Variants in ZBTB47 observed in about 807,000 individuals in gnomAD.
The protein encoded by ZBTB47 is zinc finger and BTB domain-containing protein 47.
ZBTB47 carries 24 observed loss-of-function variants against 56.6 expected under a neutral mutation model. The ratio of observed to expected loss-of-function variants is 0.42; its 90% CI spans 0.31 to 0.60. ZBTB47 has a LOEUF of 0.60. Among genes scored for constraint, ZBTB47 ranks in the 20% least tolerant of loss-of-function variants. The probability of loss-of-function intolerance (pLI) is 0.14; values close to 1 mark genes in which losing one functional copy is unlikely to be tolerated. For synonymous variants in ZBTB47, 414 were observed against 418.9 expected (o/e 0.99, Z 0.14); for missense variants, 829 against 1,032.6 (o/e 0.80, Z 2.70).
Position 42,654,565 on chromosome 3 carries a change from G to C in ZBTB47, c.-82+682G>C, listed in dbSNP as rs981959619. 50 of 494,642 alleles carry C rather than the reference G, an allele frequency of 1.0e-4. 1 individual carries two copies. The highest frequency in any genetic ancestry group is 1.0e-4 in the Non-Finnish European group (39 of 383,198). 30.6% of individuals were successfully genotyped at this position (494,642 alleles called of 1,614,324 possible). A position where few individuals can be genotyped will look rare whatever the true frequency, so the allele number is the denominator to read the frequency against. ...CTCCGCCTGCCTGGCCGCGCCCCCG[G>C]GGGCCATGGTCGCGGGGCCCTGCGC... On this transcript the variant is annotated intron_variant, in intron 1 of 5. Transcript: ENST00000232974. This position sits in a 1 kb window ranked among gnomAD's most constrained non-coding sequence, Gnocchi z 5.0.
Position 42,658,957 on chromosome 3 carries a change from G to C in ZBTB47, c.602G>C (p.Gly201Ala). 6.6e-7 allele frequency: 1 copy of C among 1,505,672 alleles called. No homozygotes were observed. Among genetic ancestry groups the C allele is most frequent in the Non-Finnish European group, 8.8e-7 (1 of 1,132,316 alleles). 93.3% of individuals were successfully genotyped at this position (1,505,672 alleles called of 1,614,324 possible). A position where few individuals can be genotyped will look rare whatever the true frequency, so the allele number is the denominator to read the frequency against. ...EEKEGGVEEA[G>A]GPPASLCKLE... ...AAGGAGGGTGGTGTCGAGGAGGCCGGTGGGCCCCCAGCCAGCTTGTGCAAG... is the reference window on the plus strand; with the variant it reads ...AAGGAGGGTGGTGTCGAGGAGGCCGCTGGGCCCCCAGCCAGCTTGTGCAAG... Residue 201 changes from glycine (G) to alanine (A), a missense_variant, in exon 2 of 6, where the codon GGT (glycine) becomes GCT (alanine). Coordinates refer to ENST00000232974, the MANE Select transcript of ZBTB47 (RefSeq NM_145166.4).
rs1056137489 is a variant in ZBTB47, at chr3:42,654,426, A to G, written c.-82+543A>G. 6.6e-6 allele frequency: 1 copy of G among 150,760 alleles called. No homozygotes were observed. Among genetic ancestry groups the G allele is most frequent in the Non-Finnish European group, 1.5e-5 (1 of 67,476 alleles). 9.3% of individuals were successfully genotyped at this position (150,760 alleles called of 1,614,324 possible). On this transcript the variant is annotated intron_variant, in intron 1 of 5. Coordinates refer to ENST00000232974, the MANE Select transcript of ZBTB47 (RefSeq NM_145166.4). The surrounding 1 kb of genome is among the most constrained non-coding windows in gnomAD (Gnocchi z 5.0). ...GCGGCCTGGCCCTTTAAGCGTCCAGACGGCGGCCCCAGCTGACGCGCGGGC... is the reference window on the plus strand; with the variant it reads ...GCGGCCTGGCCCTTTAAGCGTCCAGGCGGCGGCCCCAGCTGACGCGCGGGC...
Position 42,659,430 on chromosome 3 carries a change from C to G in ZBTB47, c.1075C>G (p.Gln359Glu), listed in dbSNP as rs1237355048. ...EGEEGEAGGK[Q>E]GPRGSRSSRA... ...GGAGGAGGGGGAGGCTGGGGGCAAG[C>G]AGGGGCCACGGGGAAGCCGAAGCAG... Residue 359 changes from glutamine (Q) to glutamate (E), a missense_variant, in exon 2 of 6, where the codon CAG (glutamine) becomes GAG (glutamate). Transcript: ENST00000232974. 4.3e-5 allele frequency: 62 copies of G among 1,445,476 alleles called. No homozygotes were observed. Among genetic ancestry groups the G allele is most frequent in the Non-Finnish European group, 5.6e-5 (62 of 1,106,544 alleles). The allele number at this position is 1,445,476 out of a possible 1,614,324, so 89.5% of individuals were successfully genotyped here.
intron 1 of ZBTB47, 88 bp from the exon 2 acceptor site, chr3:42,658,187 T>G (rs1353866518): frequency 3.5e-5 from 48 of 1,359,240 alleles, no homozygotes; most frequent in Middle Eastern, 2.6e-4. Flanking sequence ...GCCTCCTGGA[T>G]GGCTGGCAAT....
rs1245057225 is a variant in ZBTB47 at position 42,664,476 on chromosome 3, C to A, written c.2122C>A (p.His708Asn). ...CCTGCCCCCAACCCAGCCCCAGGCG[C>A]ACGCACTGCCCCTGCTCCCGGGGCT... ...PGLPPTQPQAHALPLLPGLPQ... is the reference protein window; with the variant it reads ...PGLPPTQPQANALPLLPGLPQ... Residue 708 changes from histidine (H) to asparagine (N), a missense_variant, in exon 6 of 6, where the codon CAC becomes AAC. Physicochemically the swap from His to Asn is moderately conservative, Grantham distance 68. This residue lies in a region of ZBTB47 where 115 missense variants were observed against 117.2 expected (regional missense o/e 0.98). Transcript: ENST00000232974. The A allele has an allele frequency of 1.3e-6, 2 of 1,511,852 alleles. No homozygotes were observed. The highest frequency in any genetic ancestry group is 4.9e-5 in the East Asian group (2 of 40,438). The allele number at this position is 1,511,852 out of a possible 1,614,324, so 93.7% of individuals were successfully genotyped here. A position where few individuals can be genotyped will look rare whatever the true frequency, so the allele number is the denominator to read the frequency against.
At chr3:42,660,082 A>G (rs1190882490) in intron 2 of ZBTB47, among the ~76,000 whole-genome samples, 1 of 152,224 alleles carries the variant, frequency 6.6e-6, no homozygotes, top group Non-Finnish European at 1.5e-5. Context: ...ATTGGAACAA[A>G]CAGTACCCTT....
At position 42,666,090 on chromosome 3, in the gene ZBTB47, T is replaced by C. The variant is rs1227670270; in HGVS notation, c.*1492T>C. Among the ~76,000 whole-genome samples, 2 of 152,236 alleles carry C rather than the reference T, an allele frequency of 1.3e-5. No individual in the cohort carries two copies. Among genetic ancestry groups the C allele is most frequent in the East Asian group, 3.9e-4 (2 of 5,194 alleles). On this transcript the variant is annotated 3_prime_UTR_variant, in exon 6 of 6. Transcript: ENST00000232974. ...AACCCCTCTGACCTTATGAGGCCCA[T>C]GGCACTGGGGCAGGGAGCTGGGGAC...
rs339722 is a variant in ZBTB47, at chr3:42,659,204, C to T, written c.849C>T (p.Asp283=). ...QRHSDEEEED[D]EEEEEEEEEE... Reference sequence around the variant, plus strand: ...ACTCGGACGAGGAGGAGGAGGACGACGAGGAGGAGGAGGAGGAAGAAGAGG... The same window carrying T: ...ACTCGGACGAGGAGGAGGAGGACGATGAGGAGGAGGAGGAGGAAGAAGAGG... The change falls in exon 2 of 6, where the codon GAC becomes GAT. Residue 283 remains aspartate (D), a synonymous_variant. Transcript: ENST00000232974. The T allele has an allele frequency of 1.5e-5, 22 of 1,508,168 alleles. No homozygotes were observed. Among genetic ancestry groups the T allele is most frequent in the Admixed American group, 8.0e-5 (4 of 49,834 alleles). The allele number at this position is 1,508,168 out of a possible 1,614,324, so 93.4% of individuals were successfully genotyped here.
Position 42,664,480 on chromosome 3 carries a change from C to T in ZBTB47, c.2126C>T (p.Ala709Val). Residue 709 changes from alanine (A) to valine (V), a missense_variant, in exon 6 of 6, where the codon GCA becomes GTA. This residue lies in a region of ZBTB47 where 115 missense variants were observed against 117.2 expected (regional missense o/e 0.98). Coordinates refer to ENST00000232974, the MANE Select transcript of ZBTB47 (RefSeq NM_145166.4). Reference protein sequence around the residue: ...GLPPTQPQAHALPLLPGLPQT... With the variant: ...GLPPTQPQAHVLPLLPGLPQT... ...CCCCCAACCCAGCCCCAGGCGCACGCACTGCCCCTGCTCCCGGGGCTGCCC... is the reference window on the plus strand; with the variant it reads ...CCCCCAACCCAGCCCCAGGCGCACGTACTGCCCCTGCTCCCGGGGCTGCCC... 3.3e-6 allele frequency: 5 copies of T among 1,509,318 alleles called. No individual in the cohort carries two copies. Among genetic ancestry groups the T allele is most frequent in the Non-Finnish European group, 4.4e-6 (5 of 1,132,902 alleles). The allele number at this position is 1,509,318 out of a possible 1,614,324, so 93.5% of individuals were successfully genotyped here. A position where few individuals can be genotyped will look rare whatever the true frequency, so the allele number is the denominator to read the frequency against.
At position 42,663,242 on chromosome 3, in the gene ZBTB47, A is replaced by G; in HGVS notation, c.1737+115A>G. 2.6e-6 allele frequency: 2 copies of G among 771,238 alleles called. No homozygotes were observed. The highest frequency in any genetic ancestry group is 2.7e-5 in the East Asian group (1 of 37,638). 47.8% of individuals were successfully genotyped at this position (771,238 alleles called of 1,614,324 possible). ...AGGGGGTGGAATGTAGTGTCCAGAA[A>G]GAGAGAGCCCTGCCCTCTGAGGTCT... On this transcript the variant is annotated intron_variant, in intron 4 of 5. Coordinates refer to ENST00000232974, the MANE Select transcript of ZBTB47 (RefSeq NM_145166.4). The surrounding 1 kb of genome is among the most constrained non-coding windows in gnomAD (Gnocchi z 5.1).
At position 42,664,224 on chromosome 3, in the gene ZBTB47, C is replaced by G; in HGVS notation, c.1883-13C>G. The stretch of plus-strand genomic sequence containing the variant: ...CCCTCACTGACGCCCTGCTGCCCAC[C>G]CCCAACCCCCAGGAGAGAAGCCGTA... On this transcript the variant is annotated splice_polypyrimidine_tract_variant and intron_variant, in intron 5 of 5. Coordinates refer to ENST00000232974, the MANE Select transcript of ZBTB47 (RefSeq NM_145166.4). 1.2e-6 allele frequency: 2 copies of G among 1,612,890 alleles called. No homozygotes were observed. Among genetic ancestry groups the G allele is most frequent in the Non-Finnish European group, 1.7e-6 (2 of 1,179,408 alleles).
Position 42,656,913 on chromosome 3 carries a change from C to A in ZBTB47, c.-81-1362C>A, listed in dbSNP as rs1304216738. Among the ~76,000 whole-genome samples the A allele has an allele frequency of 6.6e-6, 1 of 152,164 alleles. No homozygotes were observed. Among genetic ancestry groups the A allele is most frequent in the East Asian group, 1.9e-4 (1 of 5,188 alleles). ...CCCAGGGTCCCCAGGGAGGCACTGA[C>A]AGCTATGGAGCTGATGGTTTTGTGG... On this transcript the variant is annotated intron_variant, in intron 1 of 5. Coordinates refer to ENST00000232974, the MANE Select transcript of ZBTB47 (RefSeq NM_145166.4). The surrounding 1 kb of genome is among the most constrained non-coding windows in gnomAD (Gnocchi z 5.8).
rs527938659 is a variant in ZBTB47 at position 42,666,339 on chromosome 3, C to T, written c.*1741C>T. On this transcript the variant is annotated 3_prime_UTR_variant, in exon 6 of 6. Transcript: ENST00000232974. The stretch of plus-strand genomic sequence containing the variant: ...GGGGGAGAGAAGGTTCGCCCCTCCC[C>T]GAGGAAGAAGGCTTCTGGTCAGGAC... 3.3e-5 allele frequency among the ~76,000 whole-genome samples: 5 copies of T among 152,250 alleles called. No individual in the cohort carries two copies. The South Asian group carries it at 6.2e-4, about 19-fold the overall frequency.
rs369661100 is a variant in ZBTB47 at position 42,659,682 on chromosome 3, C to T, written c.1327C>T (p.Arg443Ter). Reference sequence around the variant, plus strand: ...GCACCATCCATGCCAGAAGTGCCCACGAGTTTTCAACAACCGCTGGTACCT... The same window carrying T: ...GCACCATCCATGCCAGAAGTGCCCATGAGTTTTCAACAACCGCTGGTACCT... Reference protein sequence around the residue: ...KQHHPCQKCPRVFNNRWYLEK... With the variant: ...KQHHPCQKCP The change falls in exon 2 of 6, where the codon CGA becomes TGA. Residue 443 changes from arginine to a stop codon, truncating the protein, a stop_gained. Coordinates refer to ENST00000232974, the MANE Select transcript of ZBTB47 (RefSeq NM_145166.4). LOFTEE classifies it high-confidence loss of function. 1.9e-6 allele frequency: 3 copies of T among 1,612,870 alleles called. No individual in the cohort carries two copies. The highest frequency in any genetic ancestry group is 2.7e-5 in the African/African-American group (2 of 74,924).
chr3:42,657,733 TC>T (rs1356016526), intron 1 of ZBTB47, among the ~76,000 whole-genome samples: 1 of 152,118 alleles, frequency 6.6e-6, no homozygotes, highest in Non-Finnish European at 1.5e-5. Context: ...CGGCTTCTGT[TC>T]TTGAGGTGTT....
At position 42,659,237 on chromosome 3, in the gene ZBTB47, AGGT is replaced by A. The variant is rs1327138911; in HGVS notation, c.888_890del (p.Gly297del). ...AGGAGGAGGAAGAAGAGGAAGAGGA[AGGT>A]GGTGGCAGTGGACGGGAGGAGGAGG... is the stretch of plus-strand genomic sequence containing the variant. On this transcript the variant is annotated inframe_deletion, in exon 2 of 6. Coordinates refer to ENST00000232974, the MANE Select transcript of ZBTB47 (RefSeq NM_145166.4). 23 of 1,529,912 alleles carry A rather than the reference AGGT, an allele frequency of 1.5e-5. No individual in the cohort carries two copies. The highest frequency in any genetic ancestry group is 3.7e-4 in the Middle Eastern group (2 of 5,444). The allele number at this position is 1,529,912 out of a possible 1,614,324, so 94.8% of individuals were successfully genotyped here. A position where few individuals can be genotyped will look rare whatever the true frequency, so the allele number is the denominator to read the frequency against.
At chr3:42,662,974 G>T in intron 3 of ZBTB47, 38 bp from the exon 4 acceptor site, 2 of 1,512,860 alleles carry the variant, frequency 1.3e-6, no homozygotes, top group South Asian at 2.2e-5. Flanking sequence ...GCTTGGGCAG[G>T]CCCGTAAAAC....
In ZBTB47 at chr3:42,665,773, G is replaced by C. The variant is rs988227589; in HGVS notation, c.*1175G>C. The C allele has an allele frequency of 1.3e-5, 2 of 152,754 alleles. No individual in the cohort carries two copies. Among genetic ancestry groups the C allele is most frequent in the Admixed American group, 6.5e-5 (1 of 15,292 alleles). The allele number at this position is 152,754 out of a possible 1,614,324, so 9.5% of individuals were successfully genotyped here. A position where few individuals can be genotyped will look rare whatever the true frequency, so the allele number is the denominator to read the frequency against. On this transcript the variant is annotated 3_prime_UTR_variant, in exon 6 of 6. Coordinates refer to ENST00000232974, the MANE Select transcript of ZBTB47 (RefSeq NM_145166.4). Reference sequence around the variant, plus strand: ...CATGTTCAGGCCCCTCGGGGGATTGGGGGGACTGGGGAGGCGCAGCCTAGA... The same window carrying C: ...CATGTTCAGGCCCCTCGGGGGATTGCGGGGACTGGGGAGGCGCAGCCTAGA...
intron 1 of ZBTB47, among the ~76,000 whole-genome samples, chr3:42,657,990 C>A (rs1369185633): frequency 6.6e-6 from 1 of 152,196 alleles, no homozygotes; most frequent in African/African-American, 2.4e-5. Context: ...TTCCCTTTCC[C>A]TTCCTGGGAT....
Sources: gnomAD v4.1 joint callset for allele counts (sites outside exome capture counted in the v4.1 genomes callset) on GRCh38, gnomAD v4.1.1 for gene constraint, gnomAD v4.1.1 regional missense constraint, Gnocchi (gnomAD v3.1) non-coding constraint, MANE v1.5 for transcripts, NCBI Gene and HGNC (gene_info 2026-07-23, HGNC 2026-07-21) for gene names.